NEXMIF: variants seen among roughly 807,000 people sequenced by gnomAD.
NEXMIF encodes the protein neurite extension and migration factor, also known as XLMR protein related to neurite extension.
A neutral mutation model predicts 62.1 loss-of-function variants in NEXMIF; 8 were observed. The observed-to-expected ratio is 0.13, with a 90% CI of 0.08 to 0.23. The LOEUF (loss-of-function observed/expected upper bound fraction) is 0.23. Among genes scored for constraint, NEXMIF ranks in the 10% least tolerant of loss-of-function variants. NEXMIF has a pLI of 1.00. For missense variants in NEXMIF, 976 were observed against 1,113.3 expected, an observed-to-expected ratio of 0.88 and a Z score of 1.75; for synonymous variants, 404 against 416.6, an observed-to-expected ratio of 0.97 and a Z score of 0.37.
chrX:74,826,106 A>C (rs1158319500), intron 1 of NEXMIF, among the ~76,000 whole-genome samples: 1 of 112,405 alleles, frequency 8.9e-6, no homozygotes, highest in Non-Finnish European at 1.9e-5. Flanking sequence ...TGTTTTTTAC[A>C]ATGATTGAAT....
intron 1 of NEXMIF, among the ~76,000 whole-genome samples, chrX:74,880,221 C>A (rs2080657404): frequency 8.9e-6 from 1 of 111,992 alleles, no homozygotes; most frequent in African/African-American, 3.2e-5. Context: ...ACTCTCTACA[C>A]CCCAGTGGAG....
chrX:74,743,837 C>T lies in NEXMIF; in HGVS notation c.720G>A (p.Leu240=). 1 of 1,211,596 alleles carries T rather than the reference C, an allele frequency of 8.3e-7. No homozygotes were observed. ...CTTCTTCTGTATTGCACTTGTCTAA[C>T]AGTAATGCCTCATAATAGCTTTTCT... ...PAQKSYYEAL[L]LDKCNTEEAL... Residue 240 remains leucine, a synonymous_variant, in exon 3 of 4, where the codon CTG becomes CTA. Coordinates refer to ENST00000055682, the MANE Select transcript of NEXMIF (RefSeq NM_001008537.3).
intron 1 of NEXMIF, among the ~76,000 whole-genome samples, chrX:74,839,693 G>C (rs187261113): frequency 6.2e-5 from 7 of 112,124 alleles, no homozygotes; most frequent in Non-Finnish European, 1.1e-4. Context: ...GCGTTAGTTT[G>C]CTAAGAATAA....
chrX:74,754,558 C>T (rs759574898), intron 1 of NEXMIF, among the ~76,000 whole-genome samples: 1 of 110,085 alleles, frequency 9.1e-6, no homozygotes, highest in Admixed American at 9.8e-5. Context: ...CCACCCACCT[C>T]GGCCTCCCAA....
intron 1 of NEXMIF, among the ~76,000 whole-genome samples, chrX:74,881,771 T>C (rs1190760509): frequency 1.0e-5 from 1 of 96,005 alleles, no homozygotes; most frequent in African/African-American, 4.3e-5. Flanking sequence ...AGCATGTAAA[T>C]TGCCACATTA....
chrX:74,923,453 A>G (rs1459364721), intron 1 of NEXMIF, among the ~76,000 whole-genome samples: 1 of 112,419 alleles, frequency 8.9e-6, no homozygotes, highest in African/African-American at 3.2e-5. Context: ...CCCAGTTAAT[A>G]TGTAAAATGA....
intron 1 of NEXMIF, among the ~76,000 whole-genome samples, chrX:74,910,685 T>G (rs893356169): frequency 8.9e-5 from 10 of 111,811 alleles, no homozygotes; most frequent in Non-Finnish European, 1.7e-4. Flanking sequence ...CCCACCCAAA[T>G]CTCATCTTGA....
intron 1 of NEXMIF, among the ~76,000 whole-genome samples, chrX:74,919,284 C>A (rs751499541): frequency 7.2e-5 from 8 of 111,533 alleles, no homozygotes; most frequent in African/African-American, 2.6e-4. Context: ...TGAGCCGAAA[C>A]CCTGAATCAT....
At chrX:74,806,031 T>C (rs1379335290) in intron 1 of NEXMIF, among the ~76,000 whole-genome samples, 2 of 111,631 alleles carry the variant, frequency 1.8e-5, no homozygotes, top group Non-Finnish European at 3.8e-5. Context: ...TGTTGAGCTT[T>C]AACAGTTCTA....
intron 1 of NEXMIF, among the ~76,000 whole-genome samples, chrX:74,839,295 T>G (rs2080466784): frequency 1.8e-5 from 2 of 112,063 alleles, no homozygotes; most frequent in South Asian, 7.5e-4. Context: ...AAAATGACAT[T>G]TGGTCCTTTC....
chrX:74,883,531 A>G (rs1475523131), intron 1 of NEXMIF, among the ~76,000 whole-genome samples: 1 of 112,125 alleles, frequency 8.9e-6, no homozygotes, highest in Non-Finnish European at 1.9e-5. Context: ...CAATCAACTG[A>G]AAGAAAGGGT....
At chrX:74,897,394 TC>T (rs1188949100) in intron 1 of NEXMIF, among the ~76,000 whole-genome samples, 4 of 112,241 alleles carry the variant, frequency 3.6e-5, no homozygotes, top group Non-Finnish European at 7.5e-5. Flanking sequence ...AACATATTTC[TC>T]CTCTAATTTC....
chrX:74,872,889 C>T, intron 1 of NEXMIF, among the ~76,000 whole-genome samples: 2 of 109,862 alleles, frequency 1.8e-5, no homozygotes, highest in Non-Finnish European at 3.8e-5. Context: ...CCTACTGACA[C>T]ACTAGCTGCC....
intron 1 of NEXMIF, among the ~76,000 whole-genome samples, chrX:74,790,733 A>G (rs756970931): frequency 5.9e-4 from 67 of 113,446 alleles, no homozygotes; most frequent in Non-Finnish European, 9.8e-4. Flanking sequence ...ATTCTCTTTG[A>G]AGCAATTGCG....
At chrX:74,796,326 GAC>G (rs2080312043) in intron 1 of NEXMIF, among the ~76,000 whole-genome samples, 2 of 77,130 alleles carry the variant, frequency 2.6e-5, no homozygotes, top group South Asian at 5.8e-4. Flanking sequence ...ACAATGGATA[GAC>G]ACACAAATGA....
At chrX:74,873,618 G>A (rs2080613921) in intron 1 of NEXMIF, among the ~76,000 whole-genome samples, 1 of 111,651 alleles carries the variant, frequency 9.0e-6, no homozygotes, top group Non-Finnish European at 1.9e-5. Flanking sequence ...CAGTGTAAAA[G>A]TGTTCCTATT....
chrX:74,853,383 C>T (rs1189716192), intron 1 of NEXMIF, among the ~76,000 whole-genome samples: 2 of 107,872 alleles, frequency 1.9e-5, no homozygotes, highest in Non-Finnish European at 3.8e-5. Flanking sequence ...CAAATGCGGC[C>T]TCCACCTGGT....
chrX:74,805,319 C>T (rs2080341800), intron 1 of NEXMIF, among the ~76,000 whole-genome samples: 1 of 111,644 alleles, frequency 9.0e-6, no homozygotes, highest in South Asian at 3.8e-4. Flanking sequence ...TTCTATTTGG[C>T]TATCTTGCTC....
At chrX:74,914,502 T>A (rs1294422380) in intron 1 of NEXMIF, among the ~76,000 whole-genome samples, 2 of 111,092 alleles carry the variant, frequency 1.8e-5, no homozygotes, top group African/African-American at 3.3e-5. Flanking sequence ...GTGAAACCTA[T>A]CCCTACTAAA....
Sources: allele counts gnomAD v4.1 joint callset (sites outside exome capture counted in the v4.1 genomes callset), GRCh38; gene constraint gnomAD v4.1.1; transcripts MANE v1.5; gene names NCBI Gene and HGNC (gene_info 2026-07-23, HGNC 2026-07-21).